Variants in DYNC2H1 observed in about 807,000 individuals in gnomAD.
The protein encoded by DYNC2H1 is dynein cytoplasmic 2 heavy chain 1.
A neutral mutation model predicts 570.0 loss-of-function variants in DYNC2H1; 410 were observed. The ratio of observed to expected loss-of-function variants is 0.72; its 90% CI spans 0.66 to 0.78. The LOEUF (loss-of-function observed/expected upper bound fraction) is 0.78. DYNC2H1 is among the 30% of genes least tolerant of loss of function. The pLI is 0.00. For missense variants in DYNC2H1, 4,865 were observed against 5,046.4 expected, an observed-to-expected ratio of 0.96 and a Z score of 1.09; for synonymous variants, 1,688 against 1,677.6, an observed-to-expected ratio of 1.01 and a Z score of -0.15.
chr11:103,474,678 G>A (rs1945498946), intron 88 of DYNC2H1, among the ~76,000 whole-genome samples: 1 of 151,680 alleles, frequency 6.6e-6, no homozygotes, highest in African/African-American at 2.4e-5. Flanking sequence ...TTATTATTGT[G>A]GTATTGTTAC....
chr11:103,440,518 A>G (rs1256924203), intron 85 of DYNC2H1, among the ~76,000 whole-genome samples: 2 of 152,140 alleles, frequency 1.3e-5, no homozygotes, highest in Non-Finnish European at 2.9e-5. Flanking sequence ...TTTGTTGTTT[A>G]TATCAACTAT....
chr11:103,231,824 AT>A, intron 60 of DYNC2H1, among the ~76,000 whole-genome samples: 1 of 151,760 alleles, frequency 6.6e-6, no homozygotes. Flanking sequence ...AAAACTATGA[AT>A]TTTTTCTCTA....
intron 60 of DYNC2H1, among the ~76,000 whole-genome samples, chr11:103,233,820 G>A (rs1184842315): frequency 6.9e-6 from 1 of 144,444 alleles, no homozygotes; most frequent in Non-Finnish European, 1.5e-5. Flanking sequence ...GGTAGAGAAT[G>A]CTACACTTTA....
intron 60 of DYNC2H1, among the ~76,000 whole-genome samples, chr11:103,233,830 A>ATG (rs745355739): frequency 0.032 from 2,433 of 75,678 alleles, 45 homozygotes; most frequent in Middle Eastern, 0.1. Flanking sequence ...GCTACACTTT[A>ATG]TGTGTGTGTG....
chr11:103,459,481 A>G (rs1413073838), intron 87 of DYNC2H1, among the ~76,000 whole-genome samples: 1 of 152,174 alleles, frequency 6.6e-6, no homozygotes, highest in Non-Finnish European at 1.5e-5. Context: ...TAGCCGTTAC[A>G]TAATAAGCAT....
At chr11:103,137,513 G>A (rs1859636187) in intron 17 of DYNC2H1, among the ~76,000 whole-genome samples, 1 of 152,064 alleles carries the variant, frequency 6.6e-6, no homozygotes, top group African/African-American at 2.4e-5. Flanking sequence ...TTTTTCTCAG[G>A]TTTGTCAAAG....
intron 88 of DYNC2H1, among the ~76,000 whole-genome samples, chr11:103,478,368 T>C (rs541367282): frequency 6.6e-6 from 1 of 152,326 alleles, no homozygotes; most frequent in East Asian, 1.9e-4. Flanking sequence ...AGATTACCCC[T>C]TGTGTAACCT....
intron 20 of DYNC2H1, among the ~76,000 whole-genome samples, chr11:103,149,237 C>T (rs1860405597): frequency 6.6e-6 from 1 of 151,848 alleles, no homozygotes; most frequent in Non-Finnish European, 1.5e-5. Context: ...CTTTAGGATG[C>T]AAAAGTATGA....
rs746149707 is a variant in DYNC2H1, at chr11:103,177,809, G to C, written c.6128G>C (p.Arg2043Pro). 3 of 1,609,788 alleles carry C rather than the reference G, an allele frequency of 1.9e-6. No homozygotes were observed. In the South Asian group the frequency reaches 3.3e-5, roughly 18 times the overall value. The change falls in exon 38 of 89, where the codon CGG (arginine) becomes CCG (proline). Residue 2043 changes from arginine (R) to proline (P), a missense_variant. Arg to Pro is a moderately radical substitution (Grantham distance 103). Around this residue, in one of 5 missense-constraint regions of DYNC2H1, gnomAD observed 231 missense variants for 310.3 expected, o/e 0.74. Transcript: ENST00000375735. The surrounding 1 kb of genome is among the most constrained non-coding windows in gnomAD (Gnocchi z 4.4). ...VLTNSARQVVREPQDVSSWII... is the reference protein window; with the variant it reads ...VLTNSARQVVPEPQDVSSWII... Reference sequence around the variant, plus strand: ...ACAAATAGTGCTCGTCAAGTGGTTCGGGAACCTCAAGGTTAGTCTCTATGT... The same window carrying C: ...ACAAATAGTGCTCGTCAAGTGGTTCCGGAACCTCAAGGTTAGTCTCTATGT...
chr11:103,160,620 G>A (rs1428607050), intron 28 of DYNC2H1, among the ~76,000 whole-genome samples: 1 of 151,868 alleles, frequency 6.6e-6, no homozygotes, highest in African/African-American at 2.4e-5. Flanking sequence ...AAAATGGTAG[G>A]AATGAATAAA....
chr11:103,185,134 C>G lies in DYNC2H1; in HGVS notation c.6633+83C>G. The G allele has an allele frequency of 7.7e-7, 1 of 1,303,086 alleles. No individual in the cohort carries two copies. Among genetic ancestry groups the G allele is most frequent in the African/African-American group, 1.5e-5 (1 of 67,730 alleles). The allele number at this position is 1,303,086 out of a possible 1,614,324, so 80.7% of individuals were successfully genotyped here. A position where few individuals can be genotyped will look rare whatever the true frequency, so the allele number is the denominator to read the frequency against. On this transcript the variant is annotated intron_variant, in intron 41 of 88. Coordinates refer to ENST00000375735, the MANE Select transcript of DYNC2H1 (RefSeq NM_001377.3). The surrounding 1 kb of genome is among the most constrained non-coding windows in gnomAD (Gnocchi z 4.5). ...ACTGCCAAAACACAATGATTTGTAA[C>G]TGTAAGATATGGAACTTTTAAAATT...
At chr11:103,419,051 C>T (rs766965800) in intron 84 of DYNC2H1, among the ~76,000 whole-genome samples, 5 of 152,200 alleles carry the variant, frequency 3.3e-5, no homozygotes, top group Non-Finnish European at 5.9e-5. Context: ...TTCTGCAGGG[C>T]CCACTTCCAT....
chr11:103,282,476 A>G (rs1039052571), intron 72 of DYNC2H1, among the ~76,000 whole-genome samples: 4 of 152,006 alleles, frequency 2.6e-5, no homozygotes, highest in Non-Finnish European at 5.9e-5. Context: ...TTTTCTCAGT[A>G]TATGTATTTT....
chr11:103,234,703 A>T (rs1864154894), intron 61 of DYNC2H1, among the ~76,000 whole-genome samples: 1 of 151,856 alleles, frequency 6.6e-6, no homozygotes, highest in African/African-American at 2.4e-5. Context: ...TCATCCCTTC[A>T]TAATATCACC....
intron 17 of DYNC2H1, among the ~76,000 whole-genome samples, chr11:103,141,504 G>C (rs1405899759): frequency 6.6e-6 from 1 of 152,172 alleles, no homozygotes; most frequent in Non-Finnish European, 1.5e-5. Context: ...AGCAGCGGTG[G>C]CTACAGAACA....
At position 103,125,172 on chromosome 11, in the gene DYNC2H1, T is replaced by C. The variant is rs547111696; in HGVS notation, c.1734T>C (p.Arg578=). The change falls in exon 12 of 89, where the codon CGT becomes CGC. Residue 578 remains arginine, a synonymous_variant. Transcript: ENST00000375735. ...TACTAAAAGTGCATTATTCAGATCG[T>C]TTGGTGATTCTTCTGAGAGAAGTTC... ...DGLLKVHYSD[R]LVILLREVRQ... 12 of 1,613,746 alleles carry C rather than the reference T, an allele frequency of 7.4e-6. No individual in the cohort carries two copies. The East Asian group carries it at 2.2e-4, about 30-fold the overall frequency.
intron 84 of DYNC2H1, 116 bp downstream of exon 84, chr11:103,399,988 C>T: frequency 1.2e-6 from 1 of 813,862 alleles, no homozygotes; most frequent in South Asian, 2.1e-5. Context: ...GTCACACTGG[C>T]TTAAGCCATA....
chr11:103,174,127 A>G lies in DYNC2H1; in HGVS notation c.5631A>G (p.Gly1877=), dbSNP rs1379148156. The G allele has an allele frequency of 5.7e-6, 9 of 1,588,232 alleles. No homozygotes were observed. The South Asian group carries it at 9.2e-5, about 16-fold the overall frequency. ...RALKTVLRGS[G]NLLRQLNKSG... ...TGAAGACAGTTCTGAGAGGAAGTGG[A>G]AATCTCCTTAGACAGCTAAACAAAA... The change falls in exon 36 of 89, where the codon GGA becomes GGG. Residue 1877 remains glycine (G), a synonymous_variant. Transcript: ENST00000375735.
intron 28 of DYNC2H1, 115 bp downstream of exon 28, chr11:103,159,142 ACAGTT>A: frequency 1.4e-6 from 1 of 729,686 alleles, no homozygotes. Context: ...ATACCCAAAT[ACAGTT>A]CCTGTACCCA....
Sources: gnomAD v4.1 joint callset for allele counts (sites outside exome capture counted in the v4.1 genomes callset) on GRCh38, gnomAD v4.1.1 for gene constraint, gnomAD v4.1.1 regional missense constraint, Gnocchi (gnomAD v3.1) non-coding constraint, MANE v1.5 for transcripts, NCBI Gene and HGNC (gene_info 2026-07-23, HGNC 2026-07-21) for gene names.